MYO3B: variants seen among roughly 807,000 people sequenced by gnomAD.
MYO3B encodes the protein myosin-IIIb.
MYO3B carries 156 observed loss-of-function variants against 174.6 expected under a neutral mutation model. The ratio of observed to expected loss-of-function variants is 0.89; its 90% confidence interval spans 0.78 to 1.02. The LOEUF (loss-of-function observed/expected upper bound fraction) is 1.02, where lower values mean the gene tolerates loss of function less well. Among genes scored for constraint, MYO3B ranks in the 50% least tolerant of loss-of-function variants. The pLI is 0.00. For missense variants in MYO3B, 1,632 were observed against 1,639.4 expected (o/e 1.00, Z 0.08); for synonymous variants, 563 against 569.1 (o/e 0.99, Z 0.15).
chr2:170,381,814 A>G (rs1053254397), intron 9 of MYO3B, among the ~76,000 whole-genome samples: 3 of 152,222 alleles, frequency 2.0e-5, no homozygotes, highest in African/African-American at 7.2e-5. Flanking sequence ...CAGGAAGTAG[A>G]CTTGAACTAT....
At chr2:170,440,050 A>T (rs1452810938) in intron 22 of MYO3B, among the ~76,000 whole-genome samples, 1 of 152,188 alleles carries the variant, frequency 6.6e-6, no homozygotes, top group Non-Finnish European at 1.5e-5. Context: ...ATAAGGTAAC[A>T]GTTAAATTTT....
intron 22 of MYO3B, among the ~76,000 whole-genome samples, chr2:170,413,381 A>T (rs2094557963): frequency 6.6e-6 from 1 of 151,996 alleles, no homozygotes; most frequent in Non-Finnish European, 1.5e-5. Flanking sequence ...AGGAGGAAAG[A>T]CCTCTTTGGG....
intron 7 of MYO3B, among the ~76,000 whole-genome samples, chr2:170,295,892 C>T (rs1294111401): frequency 6.6e-6 from 1 of 152,134 alleles, no homozygotes; most frequent in Non-Finnish European, 1.5e-5. Context: ...CCATAAAGTG[C>T]TGGCTATCTT....
At chr2:170,538,434 G>A (rs1266294352) in intron 30 of MYO3B, among the ~76,000 whole-genome samples, 2 of 152,190 alleles carry the variant, frequency 1.3e-5, no homozygotes, top group Non-Finnish European at 2.9e-5. Context: ...GTGAAGCTGA[G>A]GCCCAGTCCC....
intron 32 of MYO3B, chr2:170,602,202 C>A: frequency 8.1e-7 from 1 of 1,229,484 alleles, no homozygotes; most frequent in Non-Finnish European, 1.2e-6. Context: ...TTTTGCCTCT[C>A]GGCTTCTTAG....
Position 170,543,938 on chromosome 2 carries a change from C to T in MYO3B, c.3683C>T (p.Pro1228Leu), listed in dbSNP as rs746545189. 4 of 1,613,374 alleles carry T rather than the reference C, an allele frequency of 2.5e-6. No homozygotes were observed. The highest frequency in any genetic ancestry group is 1.7e-4 in the Middle Eastern group (1 of 6,058). Residue 1228 changes from proline (P) to leucine (L), a missense_variant, in exon 32 of 35, where the codon CCT becomes CTT. Transcript: ENST00000408978. Reference protein sequence around the residue: ...TDLLSSRICHPAPDQQGLSLW... With the variant: ...TDLLSSRICHLAPDQQGLSLW... Reference sequence around the variant, plus strand: ...TTGCTGTCTTCTCGGATATGCCATCCTGCTCCAGATCAGCAAGGATTGAGT... The same window carrying T: ...TTGCTGTCTTCTCGGATATGCCATCTTGCTCCAGATCAGCAAGGATTGAGT...
intron 7 of MYO3B, among the ~76,000 whole-genome samples, chr2:170,321,146 G>A (rs748769743): frequency 1.3e-5 from 2 of 152,006 alleles, no homozygotes; most frequent in Non-Finnish European, 2.9e-5. Context: ...CAGAATTAAT[G>A]GAAAATAGTT....
At chr2:170,304,370 G>A (rs956850729) in intron 7 of MYO3B, among the ~76,000 whole-genome samples, 2 of 151,662 alleles carry the variant, frequency 1.3e-5, no homozygotes, top group Non-Finnish European at 2.9e-5. Context: ...ATTATTGGTG[G>A]AGTTGAATAT....
chr2:170,504,691 T>A (rs185958428), intron 28 of MYO3B, among the ~76,000 whole-genome samples: 2 of 152,336 alleles, frequency 1.3e-5, no homozygotes, highest in African/African-American at 4.8e-5. Flanking sequence ...GTCCTTGTTA[T>A]CGGGCCCTCC....
At chr2:170,182,368 C>T (rs2105300781) in intron 1 of MYO3B, among the ~76,000 whole-genome samples, 1 of 152,210 alleles carries the variant, frequency 6.6e-6, no homozygotes, top group East Asian at 1.9e-4. Context: ...ATTTATTGAA[C>T]AGTATTATTT....
intron 7 of MYO3B, among the ~76,000 whole-genome samples, chr2:170,289,385 C>T (rs183747327): frequency 2.0e-4 from 30 of 152,176 alleles, no homozygotes; most frequent in Admixed American, 3.3e-4. Flanking sequence ...GCCTTCTTCT[C>T]ATTAACAATT....
At chr2:170,516,923 T>A (rs1688349213) in intron 29 of MYO3B, among the ~76,000 whole-genome samples, 2 of 152,174 alleles carry the variant, frequency 1.3e-5, no homozygotes, top group Non-Finnish European at 2.9e-5. Context: ...CTCAACCTAT[T>A]CATACACTTA....
intron 3 of MYO3B, among the ~76,000 whole-genome samples, chr2:170,204,619 T>A (rs922090322): frequency 2.6e-5 from 4 of 152,362 alleles, no homozygotes; most frequent in Admixed American, 1.3e-4. Flanking sequence ...TTTCTATTTT[T>A]CTTGGTTTGG....
intron 31 of MYO3B, among the ~76,000 whole-genome samples, chr2:170,543,498 T>C (rs1243092036): frequency 1.3e-5 from 2 of 152,218 alleles, no homozygotes; most frequent in African/African-American, 4.8e-5. Flanking sequence ...CAAAATCCTT[T>C]GGATGATGTA....
At chr2:170,292,713 G>A (rs1015959265) in intron 7 of MYO3B, among the ~76,000 whole-genome samples, 2 of 152,060 alleles carry the variant, frequency 1.3e-5, no homozygotes, top group African/African-American at 4.8e-5. Context: ...CAACCAGTGT[G>A]GGAAGGCTGG....
At chr2:170,195,618 A>C (rs2092590668) in intron 1 of MYO3B, among the ~76,000 whole-genome samples, 1 of 152,156 alleles carries the variant, frequency 6.6e-6, no homozygotes, top group Admixed American at 6.5e-5. Context: ...GTTAACACTT[A>C]AGCCGTCTGT....
At chr2:170,477,393 C>G (rs1398248848) in intron 25 of MYO3B, among the ~76,000 whole-genome samples, 2 of 152,112 alleles carry the variant, frequency 1.3e-5, no homozygotes, top group Non-Finnish European at 2.9e-5. Flanking sequence ...TTATTTTTAT[C>G]CTAACATGTC....
intron 32 of MYO3B, among the ~76,000 whole-genome samples, chr2:170,618,124 C>T (rs905700696): frequency 1.6e-4 from 25 of 152,094 alleles, no homozygotes; most frequent in East Asian, 1.9e-4. Context: ...AAGGTGGATA[C>T]CTAAAACCTA....
At chr2:170,481,781 A>T (rs1362424539) in intron 25 of MYO3B, among the ~76,000 whole-genome samples, 1 of 152,030 alleles carries the variant, frequency 6.6e-6, no homozygotes, top group Non-Finnish European at 1.5e-5. Flanking sequence ...GGTCTTTAAC[A>T]TTGCTCTCCT....
Sources: gnomAD v4.1 joint callset for allele counts (sites outside exome capture counted in the v4.1 genomes callset) on GRCh38, gnomAD v4.1.1 for gene constraint, MANE v1.5 for transcripts, NCBI Gene and HGNC (gene_info 2026-07-23, HGNC 2026-07-21) for gene names.